ABCC12: variants seen among roughly 807,000 people sequenced by gnomAD.
The protein encoded by ABCC12 is ATP binding cassette subfamily C member 12.
In ABCC12, 142 loss-of-function variants were observed where a neutral mutation model predicts 151.1. That is an observed-to-expected ratio of 0.94 (90% confidence interval 0.82 to 1.08). ABCC12 has a LOEUF of 1.08. Among genes scored for constraint, ABCC12 ranks in the 50% least tolerant of loss-of-function variants. The probability of loss-of-function intolerance (pLI) is 0.00; values close to 1 mark genes in which losing one functional copy is unlikely to be tolerated. For synonymous variants in ABCC12, 645 were observed against 646.4 expected, an observed-to-expected ratio of 1.00 and a Z score of 0.03; for missense variants, 1,638 against 1,691.1, an observed-to-expected ratio of 0.97 and a Z score of 0.55.
chr16:48,144,596 C>T (rs1964937042), intron 3 of ABCC12, among the ~76,000 whole-genome samples: 1 of 152,148 alleles, frequency 6.6e-6, no homozygotes, highest in African/African-American at 2.4e-5. Context: ...CTAGAAGGAC[C>T]TAGTAGGATC....
chr16:48,135,106 C>A (rs1240703600), intron 8 of ABCC12, among the ~76,000 whole-genome samples: 1 of 151,884 alleles, frequency 6.6e-6, no homozygotes, highest in Non-Finnish European at 1.5e-5. Flanking sequence ...TACATAATCT[C>A]CATGTATGAG....
chr16:48,127,893 A>G (rs1481240712), intron 11 of ABCC12, among the ~76,000 whole-genome samples: 2 of 152,088 alleles, frequency 1.3e-5, no homozygotes, highest in Admixed American at 1.3e-4. Context: ...GCAAGACCCC[A>G]TCTCTACAAA....
rs1190240026 is a variant in ABCC12 at position 48,100,875 on chromosome 16, G to A, written c.3035C>T (p.Thr1012Ile). 1.2e-6 allele frequency: 2 copies of A among 1,613,968 alleles called. No individual in the cohort carries two copies. The highest frequency in any genetic ancestry group is 1.3e-5 in the African/African-American group (1 of 74,940). ...HAYGKKESCI[T>I]YHLLYFNCAL... ...CAGGGCCCCACATGGGACTCACTAG[G>A]TGATGCAGCTCTCCTTCTTGCCATA... The change falls in exon 23 of 31, where the codon ACC becomes ATC. Residue 1012 changes from threonine (T) to isoleucine (I), a missense_variant. Coordinates refer to ENST00000311303, the MANE Select transcript of ABCC12 (RefSeq NM_001393797.1).
At chr16:48,100,402 C>T (rs1963260690) in intron 23 of ABCC12, among the ~76,000 whole-genome samples, 1 of 151,944 alleles carries the variant, frequency 6.6e-6, no homozygotes, top group Non-Finnish European at 1.5e-5. Flanking sequence ...TTTTACAAGA[C>T]TCGTGTAATA....
At chr16:48,143,133 T>C (rs534861025) in intron 4 of ABCC12, among the ~76,000 whole-genome samples, 1 of 152,232 alleles carries the variant, frequency 6.6e-6, no homozygotes, top group African/African-American at 2.4e-5. Flanking sequence ...TTTTGTAATA[T>C]AAAAGTCCAA....
At chr16:48,113,041 T>C (rs1424677246) in intron 15 of ABCC12, among the ~76,000 whole-genome samples, 4 of 152,162 alleles carry the variant, frequency 2.6e-5, no homozygotes, top group African/African-American at 9.7e-5. Context: ...GTGGGCAAGA[T>C]GCTGAGACTA....
chr16:48,104,369 C>A lies in ABCC12; in HGVS notation c.2674-1G>T, dbSNP rs1454302582. On this transcript the variant is annotated splice_acceptor_variant, in intron 21 of 30. Coordinates refer to ENST00000311303, the MANE Select transcript of ABCC12 (RefSeq NM_001393797.1). LOFTEE classifies it high-confidence loss of function. ...AGAAACTCATTGGGCTCTTTAAGAT[C>A]TGTGGAGAATGGTAGAGAGTCAAAC... 6.8e-6 allele frequency: 11 copies of A among 1,613,766 alleles called. No individual in the cohort carries two copies. The highest frequency in any genetic ancestry group is 1.6e-4 in the Middle Eastern group (1 of 6,084).
chr16:48,115,537 G>A lies in ABCC12; in HGVS notation c.1867C>T (p.Leu623Phe). 6.2e-7 allele frequency: 1 copy of A among 1,614,196 alleles called. No homozygotes were observed. Among genetic ancestry groups the A allele is most frequent in the East Asian group, 2.2e-5 (1 of 44,878 alleles). ...GACAGGGGGTCGTCCAGCAGGTAGA[G>A]CTGACGGTCGGAGTAGACAGCGCGG... The part of the protein sequence containing the change: ...LARAVYSDRQ[L>F]YLLDDPLSAV... Residue 623 changes from leucine to phenylalanine, a missense_variant, in exon 15 of 31, where the codon CTC (leucine) becomes TTC (phenylalanine). Transcript: ENST00000311303.
At chr16:48,092,077 G>A (rs970055197) in intron 24 of ABCC12, among the ~76,000 whole-genome samples, 1 of 152,196 alleles carries the variant, frequency 6.6e-6, no homozygotes, top group Non-Finnish European at 1.5e-5. Flanking sequence ...ACAGAAGCTG[G>A]AAGAGAGAAG....
At position 48,111,394 on chromosome 16, in the gene ABCC12, C is replaced by T. The variant is rs556723178; in HGVS notation, c.2281+42G>A. The T allele has an allele frequency of 9.3e-5, 148 of 1,597,236 alleles. 1 individual carries two copies. In the South Asian group the frequency reaches 1.6e-3, roughly 17 times the overall value. On this transcript the variant is annotated intron_variant, in intron 18 of 30. Transcript: ENST00000311303. ...TATCCCAAACGGTAGATGCCCAATA[C>T]ATCCTTAAGTGTATGTGACTGAGGG...
chr16:48,146,233 A>G (rs1964996120), intron 3 of ABCC12, 73 bp downstream of exon 3: 1 of 1,334,018 alleles, frequency 7.5e-7, no homozygotes, highest in Non-Finnish European at 1.1e-6. Flanking sequence ...TTGCAGGAGC[A>G]GTGCCCACTC....
intron 29 of ABCC12, among the ~76,000 whole-genome samples, chr16:48,084,593 C>A (rs774649212): frequency 3.3e-5 from 5 of 152,218 alleles, no homozygotes; most frequent in Non-Finnish European, 7.3e-5. Flanking sequence ...CATTCCTTGG[C>A]CCACAGCCCC....
chr16:48,086,448 C>T (rs1221300677), intron 28 of ABCC12: 5 of 301,578 alleles, frequency 1.7e-5, no homozygotes, highest in Non-Finnish European at 3.2e-5. Context: ...CTTCCCTGAG[C>T]TTTAATTTCT....
intron 23 of ABCC12, among the ~76,000 whole-genome samples, 196 bp downstream of exon 23, chr16:48,100,676 A>G (rs1963271707): frequency 6.6e-6 from 1 of 152,218 alleles, no homozygotes; most frequent in African/African-American, 2.4e-5. Context: ...AGCTCCCCTC[A>G]TTCACATCTT....
intron 7 of ABCC12, among the ~76,000 whole-genome samples, chr16:48,138,920 G>C (rs752994646): frequency 5.3e-5 from 8 of 152,030 alleles, no homozygotes; most frequent in Non-Finnish European, 1.2e-4. Flanking sequence ...AGTGAGCTAC[G>C]ATTGCACCAC....
chr16:48,147,708 C>T (rs74018293), intron 2 of ABCC12, among the ~76,000 whole-genome samples: 4,901 of 152,274 alleles, frequency 0.032, 251 homozygotes, highest in African/African-American at 0.11. Flanking sequence ...TGTTCCCTCC[C>T]TCCTCCAATA....
Position 48,142,802 on chromosome 16 carries a change from T to C in ABCC12, c.275+1108A>G, listed in dbSNP as rs568444677. ...CAACATGATCAACAGTTATGTAGTA[T>C]GCTTCATTTTTTGTTTAGATTAAAA... On this transcript the variant is annotated intron_variant, in intron 4 of 30. Coordinates refer to ENST00000311303, the MANE Select transcript of ABCC12 (RefSeq NM_001393797.1). Among the ~76,000 whole-genome samples, 153 of 152,350 alleles carry C rather than the reference T, an allele frequency of 1.0e-3. 1 individual carries two copies. The highest frequency in any genetic ancestry group is 1.5e-3 in the Non-Finnish European group (101 of 68,034).
chr16:48,143,515 C>G (rs1412268509), intron 4 of ABCC12, among the ~76,000 whole-genome samples: 3 of 152,210 alleles, frequency 2.0e-5, no homozygotes, highest in African/African-American at 7.2e-5. Context: ...GTGGGCTTCT[C>G]TCCTGAGGTG....
chr16:48,081,415 C>T lies in ABCC12; in HGVS notation c.*2300G>A, dbSNP rs1049297464. On this transcript the variant is annotated 3_prime_UTR_variant, in exon 31 of 31. Transcript: ENST00000311303. ...AAGTCACTCTCCCCCAGGGATGATACTGATGACCATCACTGTCCTTGCAAC... is the reference window on the plus strand; with the variant it reads ...AAGTCACTCTCCCCCAGGGATGATATTGATGACCATCACTGTCCTTGCAAC... Among the ~76,000 whole-genome samples, 1 of 152,176 alleles carries T rather than the reference C, an allele frequency of 6.6e-6. No homozygotes were observed.
Sources: allele counts gnomAD v4.1 joint callset (sites outside exome capture counted in the v4.1 genomes callset), GRCh38; gene constraint gnomAD v4.1.1; transcripts MANE v1.5; gene names NCBI Gene and HGNC (gene_info 2026-07-23, HGNC 2026-07-21).